PRMT8: variants seen among roughly 807,000 people sequenced by gnomAD.
PRMT8 encodes the protein protein arginine N-methyltransferase 8.
PRMT8 carries 7 observed loss-of-function variants against 47.1 expected under a neutral mutation model. The ratio of observed to expected loss-of-function variants is 0.15; its 90% confidence interval spans 0.08 to 0.28. The LOEUF is 0.28. Ranked by LOEUF, PRMT8 falls within the 10% of genes least tolerant of loss-of-function variation. PRMT8 has a pLI of 1.00. For synonymous variants in PRMT8, 188 were observed against 186.5 expected (o/e 1.01, Z -0.07); for missense variants, 237 against 505.4 (o/e 0.47, Z 5.09).
At chr12:3,445,414 A>G (rs995455481) in intron 1 of PRMT8, among the ~76,000 whole-genome samples, 2 of 152,238 alleles carry the variant, frequency 1.3e-5, no homozygotes, top group Non-Finnish European at 2.9e-5. Context: ...TTATTGATTT[A>G]AAGTTGCTTA....
chr12:3,593,411 C>T lies in PRMT8; in HGVS notation c.*229C>T. 1.9e-6 allele frequency: 1 copy of T among 523,640 alleles called. No individual in the cohort carries two copies. The highest frequency in any genetic ancestry group is 2.3e-5 in the South Asian group (1 of 42,562). The allele number at this position is 523,640 out of a possible 1,614,324, so 32.4% of individuals were successfully genotyped here. On this transcript the variant is annotated 3_prime_UTR_variant, in exon 10 of 10. Transcript: ENST00000382622. The surrounding 1 kb of genome is among the most constrained non-coding windows in gnomAD (Gnocchi z 4.8). ...AGCCCTTCACGAAGGCTTTGTGTTG[C>T]CAACAAAGAGCGACCTGGCGTGCTG...
intron 1 of PRMT8, among the ~76,000 whole-genome samples, chr12:3,396,863 A>C (rs2137048449): frequency 6.6e-6 from 1 of 151,902 alleles, no homozygotes; most frequent in South Asian, 2.1e-4. Context: ...TCAGACATAG[A>C]TTTGGTCTTT....
intron 1 of PRMT8, among the ~76,000 whole-genome samples, chr12:3,390,546 C>T (rs969633299): frequency 6.6e-6 from 1 of 152,144 alleles, no homozygotes; most frequent in African/African-American, 2.4e-5. Context: ...CTCACAGTAA[C>T]CCTAATAGTA....
intron 1 of PRMT8, among the ~76,000 whole-genome samples, chr12:3,480,822 C>T (rs1474905889): frequency 6.6e-6 from 1 of 152,176 alleles, no homozygotes; most frequent in South Asian, 2.1e-4. Flanking sequence ...GCTTGACCTC[C>T]CACCATTAGA....
rs1337125482 is a variant in PRMT8 at position 3,445,705 on chromosome 12, GACTAA to G, written c.48+64265_48+64269del. 2.0e-5 allele frequency among the ~76,000 whole-genome samples: 3 copies of G among 152,284 alleles called. No homozygotes were observed. In the East Asian group the frequency reaches 5.8e-4, roughly 29 times the overall value. Reference sequence around the variant, plus strand: ...GGCTCTGCACACAGTCATTTGTTCTGACTAAATATTTCCGACGCTGGAGATTCTGA... The same window carrying G: ...GGCTCTGCACACAGTCATTTGTTCTGATATTTCCGACGCTGGAGATTCTGA... On this transcript the variant is annotated intron_variant, in intron 1 of 9. Transcript: ENST00000452611.
At chr12:3,466,330 T>G (rs1311890825) in intron 1 of PRMT8, among the ~76,000 whole-genome samples, 1 of 152,142 alleles carries the variant, frequency 6.6e-6, no homozygotes, top group Non-Finnish European at 1.5e-5. Context: ...GTTTCTCTCC[T>G]TTGACTCTTT....
At position 3,485,121 on chromosome 12, in the gene PRMT8, A is replaced by G. The variant is rs114518671; in HGVS notation, c.49-55485A>G. Among the ~76,000 whole-genome samples the G allele has an allele frequency of 7.7e-3, 1,168 of 152,298 alleles. 14 individuals are homozygous for G. The highest frequency in any genetic ancestry group is 0.026 in the African/African-American group (1,079 of 41,544). ...AATCTTAAGTTTTTCGGATCACAGT[A>G]CTTCTTGGTAACATGAAATCCATGC... is the stretch of plus-strand genomic sequence containing the variant. On this transcript the variant is annotated intron_variant, in intron 1 of 9. Coordinates refer to the PRMT8 transcript ENST00000452611.
At chr12:3,429,101 T>C (rs1378661119) in intron 1 of PRMT8, among the ~76,000 whole-genome samples, 1 of 152,232 alleles carries the variant, frequency 6.6e-6, no homozygotes, top group Non-Finnish European at 1.5e-5. Context: ...TCCTTGCCTC[T>C]GTCAGCTGCT....
chr12:3,472,198 G>T (rs746844039), intron 1 of PRMT8, among the ~76,000 whole-genome samples: 3 of 152,286 alleles, frequency 2.0e-5, no homozygotes, highest in Middle Eastern at 3.4e-3. Context: ...GTTCCTTCTG[G>T]CTACAGGAGG....
At chr12:3,391,697 C>T (rs1864194636) in intron 1 of PRMT8, among the ~76,000 whole-genome samples, 1 of 152,142 alleles carries the variant, frequency 6.6e-6, no homozygotes, top group Non-Finnish European at 1.5e-5. Context: ...TATCTGTCTC[C>T]CCCTCTAGTC....
intron 1 of PRMT8, among the ~76,000 whole-genome samples, chr12:3,389,321 C>T (rs897981113): frequency 1.3e-5 from 2 of 152,082 alleles, no homozygotes; most frequent in South Asian, 2.1e-4. Context: ...GGGGCTGGAA[C>T]GACAGATTCC....
chr12:3,517,476 A>G (rs1865812354), intron 1 of PRMT8, among the ~76,000 whole-genome samples: 1 of 152,176 alleles, frequency 6.6e-6, no homozygotes, highest in South Asian at 2.1e-4. Context: ...CACAGGGAGA[A>G]AAGCAGGCAC....
chr12:3,407,189 A>G (rs1468410950), intron 1 of PRMT8, among the ~76,000 whole-genome samples: 1 of 152,080 alleles, frequency 6.6e-6, no homozygotes. Flanking sequence ...ACTCACTATA[A>G]CAAGACCAGC....
chr12:3,387,404 A>G (rs920173896), intron 1 of PRMT8, among the ~76,000 whole-genome samples: 8 of 152,198 alleles, frequency 5.3e-5, no homozygotes. Flanking sequence ...TGTATACTTT[A>G]TCATCCTCTC....
At chr12:3,479,679 C>T (rs1367480307) in intron 1 of PRMT8, among the ~76,000 whole-genome samples, 1 of 152,330 alleles carries the variant, frequency 6.6e-6, no homozygotes, top group Non-Finnish European at 1.5e-5. Context: ...CTTCTGCAGA[C>T]CCACTATGAC....
At chr12:3,518,578 A>G (rs1384082605) in intron 1 of PRMT8, among the ~76,000 whole-genome samples, 1 of 152,158 alleles carries the variant, frequency 6.6e-6, no homozygotes, top group Non-Finnish European at 1.5e-5. Context: ...TTTGGGAAAA[A>G]CGGCATCCTC....
At chr12:3,454,658 C>A (rs1255410443) in intron 1 of PRMT8, among the ~76,000 whole-genome samples, 1 of 152,094 alleles carries the variant, frequency 6.6e-6, no homozygotes, top group Non-Finnish European at 1.5e-5. Context: ...CTATAAACTT[C>A]ATAAAATGAA....
At chr12:3,527,381 C>A (rs1458575853) in intron 1 of PRMT8, among the ~76,000 whole-genome samples, 1 of 152,094 alleles carries the variant, frequency 6.6e-6, no homozygotes, top group Non-Finnish European at 1.5e-5. Context: ...AGGGATGATT[C>A]ATTTCCTCGG....
chr12:3,397,982 C>T lies in PRMT8; in HGVS notation c.48+16540C>T, dbSNP rs376782614. Among the ~76,000 whole-genome samples, 93 of 152,234 alleles carry T rather than the reference C, an allele frequency of 6.1e-4. 2 individuals carry two copies. The highest frequency in any genetic ancestry group is 2.0e-3 in the African/African-American group (85 of 41,534). On this transcript the variant is annotated intron_variant, in intron 1 of 9. Coordinates refer to the PRMT8 transcript ENST00000452611. ...GGGAGTGGCCTGATTTTCCAGGTGC[C>T]GTCCATCACCCCTTTGACTAGGAAA... is the stretch of plus-strand genomic sequence containing the variant.
Sources: gnomAD v4.1 joint callset for allele counts (sites outside exome capture counted in the v4.1 genomes callset) on GRCh38, gnomAD v4.1.1 for gene constraint, Gnocchi (gnomAD v3.1) non-coding constraint, MANE v1.5 for transcripts, NCBI Gene and HGNC (gene_info 2026-07-23, HGNC 2026-07-21) for gene names.